Variants in CEP63 observed in about 807,000 individuals in gnomAD.
The protein encoded by CEP63 is centrosomal protein of 63 kDa.
Under a neutral mutation model 89.1 loss-of-function variants are expected in CEP63, and 84 were observed. The ratio of observed to expected loss-of-function variants is 0.94; its 90% confidence interval spans 0.79 to 1.13. CEP63 has a LOEUF of 1.13. CEP63 is among the 50% of genes most tolerant of loss of function. The pLI is 0.00. For synonymous variants in CEP63, 267 were observed against 272.5 expected, an observed-to-expected ratio of 0.98 and a Z score of 0.20; for missense variants, 838 against 813.3, an observed-to-expected ratio of 1.03 and a Z score of -0.37.
the CEP63 span, among the ~76,000 whole-genome samples, chr3:134,763,313 G>A: frequency 6.6e-6 from 1 of 151,966 alleles, no homozygotes; most frequent in Non-Finnish European, 1.5e-5. Flanking sequence ...TCCCACCTAT[G>A]AAGGAATTGA....
At chr3:134,538,263 T>G (rs1277267212) in intron 6 of CEP63, among the ~76,000 whole-genome samples, 2 of 150,640 alleles carry the variant, frequency 1.3e-5, no homozygotes, top group African/African-American at 2.4e-5. Flanking sequence ...TTTGCTATTT[T>G]AAGTCTCAAT....
the CEP63 span, among the ~76,000 whole-genome samples, chr3:134,746,601 A>G: frequency 6.6e-6 from 1 of 152,186 alleles, no homozygotes; most frequent in East Asian, 1.9e-4. Context: ...CTGACTTTTT[A>G]ATGATTGCTA....
At chr3:134,687,748 G>C in the CEP63 span, among the ~76,000 whole-genome samples, 2 of 152,222 alleles carry the variant, frequency 1.3e-5, no homozygotes, top group African/African-American at 2.4e-5. Context: ...CCTCAAAAAA[G>C]TTAGGAATCC....
At chr3:134,712,294 C>T in the CEP63 span, among the ~76,000 whole-genome samples, 3 of 152,092 alleles carry the variant, frequency 2.0e-5, no homozygotes, top group East Asian at 1.9e-4. Context: ...ATTTTTCCCC[C>T]TCTTTCCTCT....
the CEP63 span, among the ~76,000 whole-genome samples, chr3:134,684,596 G>A: frequency 6.6e-6 from 1 of 152,258 alleles, no homozygotes; most frequent in Non-Finnish European, 1.5e-5. Flanking sequence ...AAAGCAGGAA[G>A]TGCAAAGGTA....
the CEP63 span, among the ~76,000 whole-genome samples, chr3:134,722,630 T>C: frequency 3.3e-5 from 5 of 152,192 alleles, no homozygotes; most frequent in Non-Finnish European, 4.4e-5. Context: ...GGATGTCATT[T>C]TTATGTAATC....
chr3:134,566,829 G>T (rs1262114327), downstream of CEP63, among the ~76,000 whole-genome samples: 1 of 152,166 alleles, frequency 6.6e-6, no homozygotes, highest in Admixed American at 6.5e-5. Flanking sequence ...TTGCTGATGG[G>T]AATGTAAAAT....
At chr3:134,494,888 T>G (rs1275640483) in intron 1 of CEP63, among the ~76,000 whole-genome samples, 1 of 152,178 alleles carries the variant, frequency 6.6e-6, no homozygotes, top group Non-Finnish European at 1.5e-5. Context: ...TTTTTTATAC[T>G]ATCTCTTTAA....
the CEP63 span, among the ~76,000 whole-genome samples, chr3:134,704,327 G>A: frequency 4.6e-4 from 70 of 152,256 alleles, no homozygotes; most frequent in African/African-American, 1.6e-3. Context: ...GCTCCCTGAG[G>A]AAGAATTGGG....
At chr3:134,626,073 G>A in the CEP63 span, among the ~76,000 whole-genome samples, 1 of 152,226 alleles carries the variant, frequency 6.6e-6, no homozygotes, top group Non-Finnish European at 1.5e-5. Context: ...CTTGGCTCTG[G>A]CAGAGCCTTT....
intron 11 of CEP63, among the ~76,000 whole-genome samples, chr3:134,571,746 C>A (rs1958020352): frequency 6.6e-6 from 1 of 152,076 alleles, no homozygotes; most frequent in Admixed American, 6.5e-5. Flanking sequence ...AATAAAATAT[C>A]ATCATTCAGT....
chr3:134,650,887 G>A, the CEP63 span: 16 of 1,612,802 alleles, frequency 9.9e-6, no homozygotes, highest in Middle Eastern at 1.6e-4. Flanking sequence ...ACCCTGTGCG[G>A]CGCGCCGCTT....
chr3:134,587,696 C>T (rs1958514137), exon 11 of CEP63, among the ~76,000 whole-genome samples: 2 of 152,102 alleles, frequency 1.3e-5, no homozygotes, highest in African/African-American at 4.8e-5. Flanking sequence ...TCTCAGAGCT[C>T]AAACACCATG....
chr3:134,641,246 T>A, the CEP63 span: 1 of 152,238 alleles, frequency 6.6e-6, no homozygotes, highest in Non-Finnish European at 1.5e-5. Context: ...AAGAATGGCC[T>A]TTAGAGATAT....
chr3:134,503,550 A>G (rs938936117), intron 2 of CEP63, among the ~76,000 whole-genome samples: 1 of 151,938 alleles, frequency 6.6e-6, no homozygotes, highest in African/African-American at 2.4e-5. Flanking sequence ...AACAAACTGG[A>G]TGTTTCTTTG....
the CEP63 span, among the ~76,000 whole-genome samples, chr3:134,719,294 T>A: frequency 4.6e-5 from 7 of 152,164 alleles, no homozygotes. Flanking sequence ...TGAGCCACCA[T>A]ACCCAGCCCA....
At chr3:134,593,653 C>T in the CEP63 span, among the ~76,000 whole-genome samples, 1 of 152,184 alleles carries the variant, frequency 6.6e-6, no homozygotes, top group Non-Finnish European at 1.5e-5. Flanking sequence ...TAGAGGAAAA[C>T]TCGAGGCTTC....
intron 2 of CEP63, among the ~76,000 whole-genome samples, chr3:134,495,648 G>A (rs764339469): frequency 2.7e-4 from 41 of 152,158 alleles, no homozygotes; most frequent in Admixed American, 7.2e-4. Flanking sequence ...TTACTTAGTA[G>A]TCACCTTACT....
the CEP63 span, among the ~76,000 whole-genome samples, chr3:134,711,225 T>G: frequency 6.6e-6 from 1 of 152,256 alleles, no homozygotes. Context: ...CTCCAAAACT[T>G]ATTGCTTATT....
Sources: gnomAD v4.1 joint callset for allele counts (sites outside exome capture counted in the v4.1 genomes callset) on GRCh38, gnomAD v4.1.1 for gene constraint, MANE v1.5 for transcripts, NCBI Gene and HGNC (gene_info 2026-07-23, HGNC 2026-07-21) for gene names.